Variants in TMEM62 observed in about 807,000 individuals in gnomAD.
The protein encoded by TMEM62 is transmembrane protein 62.
TMEM62 carries 41 observed loss-of-function variants against 70.4 expected under a neutral mutation model. The observed-to-expected ratio is 0.58, with a 90% confidence interval of 0.45 to 0.76. TMEM62 has a LOEUF of 0.76. Among genes scored for constraint, TMEM62 ranks in the 30% least tolerant of loss-of-function variants. The pLI, the probability that TMEM62 is intolerant of heterozygous loss-of-function variation, is 0.00. For synonymous variants in TMEM62, 268 were observed against 291.0 expected (o/e 0.92, Z 0.80); for missense variants, 688 against 788.5 (o/e 0.87, Z 1.53).
At chr15:43,159,036 T>C (rs1359732074) in intron 9 of TMEM62, among the ~76,000 whole-genome samples, 1 of 152,226 alleles carries the variant, frequency 6.6e-6, no homozygotes, top group Non-Finnish European at 1.5e-5. Flanking sequence ...TCTTACTTTC[T>C]GATTTGACAA....
chr15:43,148,858 C>T lies in TMEM62; in HGVS notation c.722C>T (p.Pro241Leu). Residue 241 changes from proline (P) to leucine (L), a missense_variant, in exon 6 of 14, where the codon CCA (proline) becomes CTA (leucine). Pro to Leu is a moderately conservative substitution (Grantham distance 98). Transcript: ENST00000260403. ...FTTSTILSPS[P>L]GIRSIMSSAI... ...ACATCCACTATTCTTTCTCCATCAC[C>T]AGGAATCCGGTCAATAATGAGGTGA... 3 of 1,613,526 alleles carry T rather than the reference C, an allele frequency of 1.9e-6. No individual in the cohort carries two copies. Among genetic ancestry groups the T allele is most frequent in the Non-Finnish European group, 2.5e-6 (3 of 1,179,876 alleles).
At chr15:43,138,439 G>C (rs2035534713) in intron 3 of TMEM62, 135 bp from the exon 4 acceptor site, 2 of 683,558 alleles carry the variant, frequency 2.9e-6, no homozygotes, top group Non-Finnish European at 4.9e-6. Flanking sequence ...ATAATAAATG[G>C]AACGGCTCTA....
At chr15:43,164,215 G>A (rs1029860352) in intron 10 of TMEM62, among the ~76,000 whole-genome samples, 1 of 152,102 alleles carries the variant, frequency 6.6e-6, no homozygotes, top group Non-Finnish European at 1.5e-5. Flanking sequence ...TGGATCAGAT[G>A]TTTGATTCCA....
intron 10 of TMEM62, 128 bp downstream of exon 10, chr15:43,160,922 A>G: frequency 1.2e-5 from 5 of 425,062 alleles, no homozygotes; most frequent in Non-Finnish European, 2.1e-5. Context: ...TGGTCTGAAA[A>G]TATTATATAT....
Position 43,185,119 on chromosome 15 carries a change from TA to T in TMEM62, c.*536del. 1 of 309,780 alleles carries T rather than the reference TA, an allele frequency of 3.2e-6. No homozygotes were observed. The highest frequency in any genetic ancestry group is 6.1e-6 in the Non-Finnish European group (1 of 164,388). 19.2% of individuals were successfully genotyped at this position (309,780 alleles called of 1,614,324 possible). ...TCGGAAGTGTTTTCAACTAATCAAA[TA>T]AATGAATGAATGATGAATAAGAAAG... On this transcript the variant is annotated 3_prime_UTR_variant, in exon 14 of 14. Coordinates refer to ENST00000260403, the MANE Select transcript of TMEM62 (RefSeq NM_024956.4).
chr15:43,134,087 C>A, intron 1 of TMEM62, 105 bp downstream of exon 1: 1 of 1,434,856 alleles, frequency 7.0e-7, no homozygotes, highest in Non-Finnish European at 9.2e-7. Context: ...GGACCTCAGT[C>A]AGATTGTAAC....
rs999550222 is a variant in TMEM62, at chr15:43,156,615, T to G, written c.1182+1784T>G. Among the ~76,000 whole-genome samples the G allele has an allele frequency of 2.0e-5, 3 of 152,266 alleles. No individual in the cohort carries two copies. The East Asian group carries it at 5.8e-4, about 29-fold the overall frequency. On this transcript the variant is annotated intron_variant, in intron 9 of 13. Transcript: ENST00000260403. ...TAATAAGATATACATACAACTTCTG[T>G]AGTTTTATGAAGAAAAAAAAACCAT... is the stretch of plus-strand genomic sequence containing the variant.
Position 43,184,732 on chromosome 15 carries a change from G to C in TMEM62, c.*146G>C. ...CTCGTTTGGAGTCCTGGACGTTGGA[G>C]GGATTACCCACTACTGATACCTGCA... is the stretch of plus-strand genomic sequence containing the variant. On this transcript the variant is annotated 3_prime_UTR_variant, in exon 14 of 14. Transcript: ENST00000260403. The C allele has an allele frequency of 2.9e-6, 2 of 678,410 alleles. No homozygotes were observed. The highest frequency in any genetic ancestry group is 4.9e-6 in the Non-Finnish European group (2 of 404,338). 42.0% of individuals were successfully genotyped at this position (678,410 alleles called of 1,614,324 possible). A position where few individuals can be genotyped will look rare whatever the true frequency, so the allele number is the denominator to read the frequency against.
In TMEM62 at chr15:43,184,724, A is replaced by G; in HGVS notation, c.*138A>G. On this transcript the variant is annotated 3_prime_UTR_variant, in exon 14 of 14. Coordinates refer to ENST00000260403, the MANE Select transcript of TMEM62 (RefSeq NM_024956.4). ...AGCAGCTGCTCGTTTGGAGTCCTGGACGTTGGAGGGATTACCCACTACTGA... is the reference window on the plus strand; with the variant it reads ...AGCAGCTGCTCGTTTGGAGTCCTGGGCGTTGGAGGGATTACCCACTACTGA... 1 of 713,288 alleles carries G rather than the reference A, an allele frequency of 1.4e-6. No homozygotes were observed. Among genetic ancestry groups the G allele is most frequent in the Non-Finnish European group, 2.3e-6 (1 of 434,772 alleles). The allele number at this position is 713,288 out of a possible 1,614,324, so 44.2% of individuals were successfully genotyped here.
intron 4 of TMEM62, among the ~76,000 whole-genome samples, chr15:43,145,897 G>A (rs2036603769): frequency 6.6e-6 from 1 of 152,110 alleles, no homozygotes; most frequent in African/African-American, 2.4e-5. Flanking sequence ...TCTTCACTCT[G>A]CAGTTTTATG....
At chr15:43,176,729 T>TG (rs2040795922) in intron 11 of TMEM62, among the ~76,000 whole-genome samples, 1 of 151,490 alleles carries the variant, frequency 6.6e-6, no homozygotes, top group Non-Finnish European at 1.5e-5. Context: ...ACCACAAAGA[T>TG]GGGGAAAAAA....
chr15:43,161,636 A>G (rs545828627), intron 10 of TMEM62, among the ~76,000 whole-genome samples: 226 of 152,044 alleles, frequency 1.5e-3, no homozygotes, highest in African/African-American at 5.3e-3. Flanking sequence ...GTGTGTATAT[A>G]TGTATTTTGT....
At chr15:43,139,348 C>T (rs2035688606) in intron 4 of TMEM62, among the ~76,000 whole-genome samples, 2 of 152,132 alleles carry the variant, frequency 1.3e-5, no homozygotes, top group Admixed American at 6.6e-5. Flanking sequence ...TCCCCATTCC[C>T]TGAGACACAA....
intron 12 of TMEM62, among the ~76,000 whole-genome samples, chr15:43,180,372 C>T (rs2041215864): frequency 6.6e-6 from 1 of 152,212 alleles, no homozygotes; most frequent in Non-Finnish European, 1.5e-5. Flanking sequence ...ATCTGCCGGC[C>T]TTGGCCTCCC....
At chr15:43,174,131 C>T (rs530862943) in intron 11 of TMEM62, among the ~76,000 whole-genome samples, 1 of 152,204 alleles carries the variant, frequency 6.6e-6, no homozygotes, top group Admixed American at 6.5e-5. Context: ...TCGCAAAGTG[C>T]TGGGATTACA....
chr15:43,146,263 T>C (rs1405578458), intron 4 of TMEM62: 1 of 408,544 alleles, frequency 2.4e-6, no homozygotes, highest in Non-Finnish European at 4.4e-6. Context: ...ACTTCTGAAC[T>C]TGGTGAACTT....
At chr15:43,144,180 C>T (rs2036398563) in intron 4 of TMEM62, among the ~76,000 whole-genome samples, 1 of 152,074 alleles carries the variant, frequency 6.6e-6, no homozygotes, top group African/African-American at 2.4e-5. Context: ...GTAAGACATG[C>T]CAAGGAGGAT....
At chr15:43,171,172 C>T (rs2040144278) in intron 11 of TMEM62, among the ~76,000 whole-genome samples, 1 of 151,988 alleles carries the variant, frequency 6.6e-6, no homozygotes. Flanking sequence ...CTCATCTCCA[C>T]TAAAAATACA....
intron 11 of TMEM62, 50 bp downstream of exon 11, chr15:43,169,727 C>A: frequency 2.1e-6 from 3 of 1,463,304 alleles, no homozygotes; most frequent in Non-Finnish European, 1.9e-6. Context: ...TGGAAAAAAC[C>A]AAACTCCGTA....
Sources: allele counts gnomAD v4.1 joint callset (sites outside exome capture counted in the v4.1 genomes callset), GRCh38; gene constraint gnomAD v4.1.1; transcripts MANE v1.5; gene names NCBI Gene and HGNC (gene_info 2026-07-23, HGNC 2026-07-21).